The following CDHR3 variants were observed in gnomAD, a reference collection of about 807,000 sequenced individuals.
CDHR3 encodes cadherin related family member 3, also known as cadherin-related family member 3.
Under a neutral mutation model 86.6 loss-of-function variants are expected in CDHR3, and 79 were observed. The ratio of observed to expected loss-of-function variants is 0.91; its 90% CI spans 0.76 to 1.10. CDHR3 has a LOEUF of 1.10. CDHR3 is among the 50% of genes least tolerant of loss of function. The pLI is 0.00. For missense variants in CDHR3, 1,081 were observed against 1,077.6 expected, an observed-to-expected ratio of 1.00 and a Z score of -0.04; for synonymous variants, 421 against 402.4, an observed-to-expected ratio of 1.05 and a Z score of -0.55.
intron 1 of CDHR3, among the ~76,000 whole-genome samples, chr7:105,968,024 C>T (rs544193254): frequency 1.2e-3 from 187 of 152,306 alleles, no homozygotes; most frequent in African/African-American, 4.4e-3. Flanking sequence ...ACATGAAGTC[C>T]TTGCCCATGC....
At chr7:105,972,054 T>A (rs1828061525) in intron 1 of CDHR3, among the ~76,000 whole-genome samples, 2 of 152,188 alleles carry the variant, frequency 1.3e-5, no homozygotes, top group Admixed American at 1.3e-4. Context: ...AGGTACAAGA[T>A]CCAGATACCA....
chr7:105,978,101 G>A (rs1199114563), intron 2 of CDHR3, among the ~76,000 whole-genome samples: 1 of 152,198 alleles, frequency 6.6e-6, no homozygotes, highest in African/African-American at 2.4e-5. Context: ...ACATAACTAG[G>A]AGATGGCAGG....
intron 6 of CDHR3, among the ~76,000 whole-genome samples, chr7:105,998,565 G>A (rs1180559880): frequency 6.6e-6 from 1 of 152,170 alleles, no homozygotes; most frequent in African/African-American, 2.4e-5. Flanking sequence ...GCTGAGGCGG[G>A]TGGATCACCT....
In CDHR3 at chr7:106,030,005, A is replaced by G. The variant is rs1244615067; in HGVS notation, c.2305-787A>G. The stretch of plus-strand genomic sequence containing the variant: ...TATAATCCCCATTTCCTCTCTCTTC[A>G]GAGTTGGGGAGTTGTGGGGAACTAG... On this transcript the variant is annotated intron_variant, in intron 17 of 18. Coordinates refer to ENST00000317716, the MANE Select transcript of CDHR3 (RefSeq NM_152750.5). This position sits in a 1 kb window ranked among gnomAD's most constrained non-coding sequence, Gnocchi z 4.8. Among the ~76,000 whole-genome samples, 1 of 152,168 alleles carries G rather than the reference A, an allele frequency of 6.6e-6. No individual in the cohort carries two copies. Among genetic ancestry groups the G allele is most frequent in the Non-Finnish European group, 1.5e-5 (1 of 68,026 alleles).
chr7:106,020,225 C>T (rs1836353500), intron 12 of CDHR3, 148 bp from the exon 13 acceptor site: 2 of 681,610 alleles, frequency 2.9e-6, no homozygotes, highest in Admixed American at 3.0e-5. Context: ...CATTTTCTCA[C>T]CATAAAATGG....
At chr7:106,028,708 G>A in intron 17 of CDHR3, 126 bp downstream of exon 17, 1 of 976,512 alleles carries the variant, frequency 1.0e-6, no homozygotes, top group Non-Finnish European at 1.5e-6. Flanking sequence ...CTTGTGTTTG[G>A]CTACTGGAAC....
At chr7:106,027,731 A>G in intron 16 of CDHR3, 1 of 432,390 alleles carries the variant, frequency 2.3e-6, no homozygotes, top group South Asian at 1.7e-5. Context: ...GCATGTCTCA[A>G]CAGGGTTAGA....
In CDHR3 at chr7:106,034,055, C is replaced by A. The variant is rs1338588041; in HGVS notation, c.*1358C>A. Among the ~76,000 whole-genome samples, 1 of 152,192 alleles carries A rather than the reference C, an allele frequency of 6.6e-6. No homozygotes were observed. The highest frequency in any genetic ancestry group is 1.5e-5 in the Non-Finnish European group (1 of 68,026). On this transcript the variant is annotated 3_prime_UTR_variant, in exon 19 of 19. Coordinates refer to ENST00000317716, the MANE Select transcript of CDHR3 (RefSeq NM_152750.5). ...GCTGAAACACCATCAGCCTTACAAC[C>A]TACCTGCCTTGCTCCTTCCCACTTC...
chr7:105,971,820 C>G (rs553744058), intron 1 of CDHR3, among the ~76,000 whole-genome samples: 1 of 152,254 alleles, frequency 6.6e-6, no homozygotes, highest in East Asian at 1.9e-4. Flanking sequence ...TCACACCACG[C>G]TCACACTCCA....
At chr7:106,024,741 T>C (rs1010024227) in intron 15 of CDHR3, among the ~76,000 whole-genome samples, 179 bp downstream of exon 15, 2 of 152,178 alleles carry the variant, frequency 1.3e-5, no homozygotes, top group African/African-American at 4.8e-5. Flanking sequence ...CCTGGTGCAC[T>C]TTCTTTGTCA....
chr7:106,012,469 G>A (rs1343251253), intron 8 of CDHR3, among the ~76,000 whole-genome samples: 1 of 152,150 alleles, frequency 6.6e-6, no homozygotes, highest in Non-Finnish European at 1.5e-5. Flanking sequence ...AGCTCAGGGA[G>A]CACCAGAAGG....
chr7:106,020,372 G>A lies in CDHR3; in HGVS notation c.1654-1G>A, dbSNP rs1180040296. 6.2e-7 allele frequency: 1 copy of A among 1,603,492 alleles called. No homozygotes were observed. Among genetic ancestry groups the A allele is most frequent in the Non-Finnish European group, 8.5e-7 (1 of 1,174,486 alleles). On this transcript the variant is annotated splice_acceptor_variant, in intron 12 of 18. Transcript: ENST00000317716. LOFTEE classifies it high-confidence loss of function. ...GAATGACCACCTTCTTGCTACTCTA[G>A]GTTACTGTGAACATCCTTGAAGAAA...
chr7:106,000,003 G>T (rs1026094240), intron 6 of CDHR3, among the ~76,000 whole-genome samples: 1 of 152,250 alleles, frequency 6.6e-6, no homozygotes, highest in African/African-American at 2.4e-5. Flanking sequence ...AGAAGGGACC[G>T]AGGGGCTTGG....
At chr7:106,003,517 A>G (rs2115797416) in intron 7 of CDHR3, among the ~76,000 whole-genome samples, 1 of 152,308 alleles carries the variant, frequency 6.6e-6, no homozygotes, top group East Asian at 1.9e-4. Context: ...AGATGAGGAA[A>G]CTGAGGCCTA....
intron 8 of CDHR3, among the ~76,000 whole-genome samples, chr7:106,007,156 C>T (rs1251965390): frequency 6.6e-6 from 1 of 152,222 alleles, no homozygotes; most frequent in Non-Finnish European, 1.5e-5. Context: ...CACCAAGTCC[C>T]TAGGCTGCAC....
intron 17 of CDHR3, among the ~76,000 whole-genome samples, chr7:106,028,933 TTTC>T: frequency 8.8e-6 from 1 of 113,308 alleles, no homozygotes; most frequent in African/African-American, 3.3e-5. Context: ...TCTTTCTTTC[TTTC>T]TTTCTTTCTT....
intron 8 of CDHR3, 118 bp from the exon 9 acceptor site, chr7:106,012,742 A>T: frequency 8.8e-7 from 1 of 1,133,638 alleles, no homozygotes. Flanking sequence ...GACTGCAATG[A>T]CCATGGACTT....
chr7:106,025,490 C>T (rs1837221071), intron 15 of CDHR3, among the ~76,000 whole-genome samples: 1 of 152,156 alleles, frequency 6.6e-6, no homozygotes, highest in Admixed American at 6.5e-5. Context: ...TTTTACAAAT[C>T]TTGTTTCATT....
chr7:105,983,764 C>T (rs530655865), intron 3 of CDHR3, among the ~76,000 whole-genome samples: 36 of 152,264 alleles, frequency 2.4e-4, no homozygotes, highest in African/African-American at 5.1e-4. Context: ...CTCATTTCTG[C>T]GGAGTTGCCA....
Sources: allele counts gnomAD v4.1 joint callset (sites outside exome capture counted in the v4.1 genomes callset), GRCh38; gene constraint gnomAD v4.1.1; non-coding constraint Gnocchi (gnomAD v3.1); transcripts MANE v1.5; gene names NCBI Gene and HGNC (gene_info 2026-07-23, HGNC 2026-07-21).